The following CHRM5 variants were observed in gnomAD, a reference collection of about 807,000 sequenced individuals.
CHRM5 encodes cholinergic receptor muscarinic 5.
A neutral mutation model predicts 39.0 loss-of-function variants in CHRM5; 18 were observed. The ratio of observed to expected loss-of-function variants is 0.46; its 90% CI spans 0.32 to 0.68. The LOEUF is 0.68. Ranked by LOEUF, CHRM5 falls within the 30% of genes least tolerant of loss-of-function variation. CHRM5 has a pLI of 0.04. For synonymous variants in CHRM5, 241 were observed against 246.3 expected (o/e 0.98, Z 0.20); for missense variants, 515 against 651.1 (o/e 0.79, Z 2.28).
intron 1 of CHRM5, among the ~76,000 whole-genome samples, chr15:33,974,801 C>A (rs1389953782): frequency 6.6e-6 from 1 of 152,080 alleles, no homozygotes; most frequent in Non-Finnish European, 1.5e-5. Flanking sequence ...GTTGAAACCC[C>A]GTTTCTAATA....
chr15:34,053,841 A>T (rs1024515539), intron 2 of CHRM5, among the ~76,000 whole-genome samples: 1 of 152,176 alleles, frequency 6.6e-6, no homozygotes, highest in Non-Finnish European at 1.5e-5. Flanking sequence ...ATCTAATTAA[A>T]CTAAAGAGCC....
chr15:34,010,328 A>C (rs1349148193), intron 1 of CHRM5, among the ~76,000 whole-genome samples: 2 of 152,234 alleles, frequency 1.3e-5, no homozygotes, highest in Non-Finnish European at 2.9e-5. Context: ...TTCCAAAATA[A>C]ATAAATAAAT....
chr15:34,008,978 A>ACACC (rs1897510189), intron 1 of CHRM5, among the ~76,000 whole-genome samples: 1 of 135,548 alleles, frequency 7.4e-6, no homozygotes, highest in Admixed American at 7.7e-5. Flanking sequence ...ACACACACAG[A>ACACC]CCATCGAGAA....
Position 34,057,299 on chromosome 15 carries a change from G to C in CHRM5, c.-75-5344G>C, listed in dbSNP as rs541777679. ...ATATAGGCACATGCCACCACGCCCA[G>C]CTAATTTTTTTTTTTTGTATTTTTA... is the stretch of plus-strand genomic sequence containing the variant. On this transcript the variant is annotated intron_variant, in intron 2 of 2. Transcript: ENST00000383263. 4.0e-4 allele frequency among the ~76,000 whole-genome samples: 23 copies of C among 57,694 alleles called. No homozygotes were observed. In the South Asian group the frequency reaches 0.017, roughly 44 times the overall value. The allele number at this position is 57,694 out of a possible 152,430, so 37.8% of individuals were successfully genotyped here. A position where few individuals can be genotyped will look rare whatever the true frequency, so the allele number is the denominator to read the frequency against.
intron 1 of CHRM5, among the ~76,000 whole-genome samples, chr15:34,011,781 C>G (rs1486316522): frequency 6.6e-6 from 1 of 152,192 alleles, no homozygotes; most frequent in Non-Finnish European, 1.5e-5. Flanking sequence ...TCGGCTAAAA[C>G]TGGAAGGCAC....
chr15:33,986,620 T>C (rs1896481742), intron 1 of CHRM5, among the ~76,000 whole-genome samples: 1 of 152,122 alleles, frequency 6.6e-6, no homozygotes, highest in Non-Finnish European at 1.5e-5. Flanking sequence ...ATACACAGGA[T>C]ATAATAGATC....
At chr15:34,053,798 G>C (rs111293185) in intron 2 of CHRM5, among the ~76,000 whole-genome samples, 24,636 of 152,130 alleles carry the variant, frequency 0.16, 2,490 homozygotes, top group Middle Eastern at 0.26. Context: ...AGCATTAAAA[G>C]CAATTGCAAC....
chr15:34,049,644 G>T (rs1441543787), intron 2 of CHRM5, among the ~76,000 whole-genome samples: 1 of 152,124 alleles, frequency 6.6e-6, no homozygotes, highest in Non-Finnish European at 1.5e-5. Flanking sequence ...CCCCAACCTA[G>T]CAAGTCAGGC....
chr15:34,037,211 C>CT (rs1216592833), intron 1 of CHRM5, among the ~76,000 whole-genome samples: 1 of 152,034 alleles, frequency 6.6e-6, no homozygotes, highest in Non-Finnish European at 1.5e-5. Context: ...CTTAAAGACA[C>CT]TTATTAGTAA....
intron 1 of CHRM5, among the ~76,000 whole-genome samples, chr15:34,046,080 C>T (rs1899670629): frequency 6.6e-6 from 1 of 152,070 alleles, no homozygotes; most frequent in Non-Finnish European, 1.5e-5. Context: ...ATCCACACTC[C>T]CAGATAACCA....
At chr15:34,009,769 G>A (rs1483960372) in intron 1 of CHRM5, among the ~76,000 whole-genome samples, 1 of 152,026 alleles carries the variant, frequency 6.6e-6, no homozygotes, top group African/African-American at 2.4e-5. Context: ...AGGGAGGGTC[G>A]CTTGAGGCCA....
intron 1 of CHRM5, among the ~76,000 whole-genome samples, chr15:34,013,884 C>A (rs562770367): frequency 7.2e-5 from 11 of 152,282 alleles, no homozygotes; most frequent in African/African-American, 2.2e-4. Context: ...GACTCACGGC[C>A]TGAGATGAGC....
chr15:34,022,339 C>T (rs1898237608), intron 1 of CHRM5, among the ~76,000 whole-genome samples: 1 of 152,234 alleles, frequency 6.6e-6, no homozygotes, highest in Non-Finnish European at 1.5e-5. Flanking sequence ...CTATAATCTG[C>T]ATCTCCCTTC....
intron 1 of CHRM5, among the ~76,000 whole-genome samples, chr15:34,004,445 T>G (rs1897255113): frequency 6.6e-6 from 1 of 152,210 alleles, no homozygotes; most frequent in South Asian, 2.1e-4. Flanking sequence ...TCAGTTGTAA[T>G]GTAGGGAACT....
At chr15:34,000,356 A>G (rs531889464) in intron 1 of CHRM5, among the ~76,000 whole-genome samples, 2 of 152,366 alleles carry the variant, frequency 1.3e-5, no homozygotes, top group South Asian at 4.1e-4. Context: ...AACAATGGGT[A>G]CTTAAATATC....
At chr15:34,004,674 T>G (rs780256657) in intron 1 of CHRM5, among the ~76,000 whole-genome samples, 7 of 152,174 alleles carry the variant, frequency 4.6e-5, no homozygotes, top group Non-Finnish European at 1.0e-4. Flanking sequence ...TGAGGTTTGC[T>G]CCAAAATAGT....
intron 1 of CHRM5, among the ~76,000 whole-genome samples, chr15:33,979,784 T>C (rs917002367): frequency 6.6e-6 from 1 of 152,228 alleles, no homozygotes; most frequent in African/African-American, 2.4e-5. Context: ...AGGACACATG[T>C]AGAGAAACAC....
chr15:33,992,459 T>C (rs985106572), intron 1 of CHRM5, among the ~76,000 whole-genome samples: 2 of 152,252 alleles, frequency 1.3e-5, no homozygotes, highest in Non-Finnish European at 2.9e-5. Context: ...AAAGTTTTTT[T>C]GTTATCGGAG....
intron 1 of CHRM5, among the ~76,000 whole-genome samples, chr15:34,012,297 T>G (rs1435121917): frequency 1.3e-5 from 2 of 152,160 alleles, no homozygotes; most frequent in Non-Finnish European, 2.9e-5. Flanking sequence ...CAATAAGTAG[T>G]GACACAACTA....
Sources: gnomAD v4.1 joint callset for allele counts (sites outside exome capture counted in the v4.1 genomes callset) on GRCh38, gnomAD v4.1.1 for gene constraint, MANE v1.5 for transcripts, NCBI Gene and HGNC (gene_info 2026-07-23, HGNC 2026-07-21) for gene names.